Variants in TRAFD1 observed in about 807,000 individuals in gnomAD.
The protein encoded by TRAFD1 is TRAF-type zinc finger domain containing 1.
Under a neutral mutation model 65.3 loss-of-function variants are expected in TRAFD1, and 38 were observed. The ratio of observed to expected loss-of-function variants is 0.58; its 90% CI spans 0.45 to 0.76. TRAFD1 has a LOEUF of 0.76. Among genes scored for constraint, TRAFD1 ranks in the 30% least tolerant of loss-of-function variants. TRAFD1 has a pLI of 0.00. For synonymous variants in TRAFD1, 223 were observed against 257.2 expected (o/e 0.87, Z 1.27); for missense variants, 631 against 712.6 (o/e 0.89, Z 1.30).
At chr12:112,148,373 A>G in intron 8 of TRAFD1, 69 bp downstream of exon 8, 1 of 1,349,418 alleles carries the variant, frequency 7.4e-7, no homozygotes, top group Non-Finnish European at 1.1e-6. Flanking sequence ...AGCTGAGAAC[A>G]CTTCCTTAGC....
intron 4 of TRAFD1, among the ~76,000 whole-genome samples, chr12:112,138,857 C>CA (rs58777732): frequency 0.041 from 3,374 of 82,956 alleles, 50 homozygotes; most frequent in African/African-American, 0.055. Flanking sequence ...AACTCCGTCT[C>CA]AAAAAAAAAA....
At chr12:112,143,709 A>G (rs1197201708) in intron 6 of TRAFD1, among the ~76,000 whole-genome samples, 1 of 143,602 alleles carries the variant, frequency 7.0e-6, no homozygotes, top group Non-Finnish European at 1.5e-5. Flanking sequence ...TTCCATAGTC[A>G]TATTACAGTT....
chr12:112,142,939 T>TG (rs1370237698), intron 6 of TRAFD1, among the ~76,000 whole-genome samples: 1 of 151,106 alleles, frequency 6.6e-6, no homozygotes, highest in East Asian at 2.0e-4. Flanking sequence ...TTTTTGGAGA[T>TG]GGAGTTTTGC....
chr12:112,140,419 CAAAAAAAA>C (rs548396276), intron 4 of TRAFD1, among the ~76,000 whole-genome samples: 1 of 69,198 alleles, frequency 1.4e-5, no homozygotes, highest in Non-Finnish European at 3.2e-5. Flanking sequence ...GACACTGTCT[CAAAAAAAA>C]AAAAAAAAAA....
Position 112,141,198 on chromosome 12 carries a change from C to T in TRAFD1, c.617C>T (p.Ala206Val). Residue 206 changes from alanine (A) to valine (V), a missense_variant, in exon 5 of 12, where the codon GCC becomes GTC. By Grantham distance (64) the Ala-to-Val change is moderately conservative (BLOSUM62 0). Coordinates refer to ENST00000412615, the MANE Select transcript of TRAFD1 (RefSeq NM_006700.3). The part of the protein sequence containing the change: ...NRTTNQRNIT[A>V]QVSIQNNLFE... ...ACTACCAACCAAAGGAACATTACAG[C>T]CCAGGTTTCAATTCAGAATAATCTG... 6.2e-7 allele frequency: 1 copy of T among 1,614,082 alleles called. No homozygotes were observed. The highest frequency in any genetic ancestry group is 8.5e-7 in the Non-Finnish European group (1 of 1,180,026).
chr12:112,129,954 T>C (rs1185497572), intron 1 of TRAFD1, among the ~76,000 whole-genome samples: 1 of 150,470 alleles, frequency 6.6e-6, no homozygotes, highest in African/African-American at 2.4e-5. Flanking sequence ...GATGTTATTA[T>C]TATTATTATT....
rs560067409 is a variant in TRAFD1, at chr12:112,130,467, C to T, written c.-12-44C>T. On this transcript the variant is annotated intron_variant, in intron 1 of 11. Coordinates refer to ENST00000412615, the MANE Select transcript of TRAFD1 (RefSeq NM_006700.3). This position sits in a 1 kb window ranked among gnomAD's most constrained non-coding sequence, Gnocchi z 4.4. Reference sequence around the variant, plus strand: ...GTTTTTTTGCATGTCATCTTTAAAGCAGAAATGAAAGAGAAAGTTCATGTC... The same window carrying T: ...GTTTTTTTGCATGTCATCTTTAAAGTAGAAATGAAAGAGAAAGTTCATGTC... The T allele has an allele frequency of 1.3e-6, 2 of 1,507,088 alleles. No homozygotes were observed. The highest frequency in any genetic ancestry group is 2.3e-5 in the East Asian group (1 of 44,102). 93.4% of individuals were successfully genotyped at this position (1,507,088 alleles called of 1,614,324 possible). A position where few individuals can be genotyped will look rare whatever the true frequency, so the allele number is the denominator to read the frequency against.
chr12:112,146,375 G>T (rs895150885), intron 7 of TRAFD1, among the ~76,000 whole-genome samples: 4 of 151,948 alleles, frequency 2.6e-5, no homozygotes, highest in East Asian at 1.9e-4. Flanking sequence ...AAAAAAAAAG[G>T]GGGGGGCAGG....
intron 6 of TRAFD1, among the ~76,000 whole-genome samples, chr12:112,143,915 A>G (rs966887960): frequency 6.6e-6 from 1 of 151,324 alleles, no homozygotes; most frequent in African/African-American, 2.4e-5. Context: ...TTTAGTAGAG[A>G]TGGTTCCTTA....
At chr12:112,136,813 G>A (rs568272844) in intron 4 of TRAFD1, among the ~76,000 whole-genome samples, 7 of 152,246 alleles carry the variant, frequency 4.6e-5, no homozygotes, top group African/African-American at 1.7e-4. Flanking sequence ...GGCTAGTCTC[G>A]AACTCTTGGC....
At chr12:112,134,001 ATTTTTTTTT>A (rs545753010) in intron 2 of TRAFD1, among the ~76,000 whole-genome samples, 3 of 95,146 alleles carry the variant, frequency 3.2e-5, no homozygotes, top group Middle Eastern at 7.2e-3. Flanking sequence ...AAAGGATTTA[ATTTTTTTTT>A]TTTTTTTTTT....
intron 4 of TRAFD1, among the ~76,000 whole-genome samples, chr12:112,135,891 C>G (rs1386434932): frequency 1.3e-5 from 2 of 149,228 alleles, no homozygotes; most frequent in African/African-American, 4.9e-5. Context: ...GCCTGTAATC[C>G]CAGCACTTTG....
intron 1 of TRAFD1, among the ~76,000 whole-genome samples, chr12:112,127,212 T>C (rs2079543237): frequency 1.3e-5 from 2 of 152,174 alleles, no homozygotes; most frequent in African/African-American, 4.8e-5. Flanking sequence ...GGTTGGCTCT[T>C]GTACTTCAGT....
At chr12:112,150,817 C>A (rs1239923087) in intron 9 of TRAFD1, among the ~76,000 whole-genome samples, 2 of 152,030 alleles carry the variant, frequency 1.3e-5, no homozygotes, top group African/African-American at 2.4e-5. Context: ...CCCAGCTCGG[C>A]CTCCCAAAGT....
intron 7 of TRAFD1, among the ~76,000 whole-genome samples, chr12:112,146,506 T>C (rs2030254170): frequency 6.6e-6 from 1 of 152,212 alleles, no homozygotes. Flanking sequence ...TCATGCCACA[T>C]TTTGATTTAT....
At chr12:112,142,018 G>C (rs757847498) in intron 5 of TRAFD1, 71 bp from the exon 6 acceptor site, 1 of 1,541,330 alleles carries the variant, frequency 6.5e-7, no homozygotes, top group Non-Finnish European at 8.9e-7. Flanking sequence ...CTATTTGCTA[G>C]GCATGGACTT....
intron 7 of TRAFD1, among the ~76,000 whole-genome samples, chr12:112,147,256 C>T (rs1028058821): frequency 6.6e-6 from 1 of 151,968 alleles, no homozygotes; most frequent in Non-Finnish European, 1.5e-5. Context: ...TTCAGCCTCC[C>T]AAAGTGCTGA....
At chr12:112,140,778 C>T in intron 4 of TRAFD1, 41 bp from the exon 5 acceptor site, 1 of 1,605,004 alleles carries the variant, frequency 6.2e-7, no homozygotes, top group Middle Eastern at 1.7e-4. Flanking sequence ...CACACCTCTC[C>T]TAGATATGCA....
At chr12:112,140,093 G>T in intron 4 of TRAFD1, 1 of 318,664 alleles carries the variant, frequency 3.1e-6, no homozygotes. Context: ...TCTTTCTAAA[G>T]TGCAGTTTCT....
Sources: allele counts gnomAD v4.1 joint callset (sites outside exome capture counted in the v4.1 genomes callset), GRCh38; gene constraint gnomAD v4.1.1; non-coding constraint Gnocchi (gnomAD v3.1); transcripts MANE v1.5; gene names NCBI Gene and HGNC (gene_info 2026-07-23, HGNC 2026-07-21).